IHO1: variants seen among roughly 807,000 people sequenced by gnomAD.
IHO1 encodes the protein interactor of HORMAD1 1.
In IHO1, 13 loss-of-function variants were observed where a neutral mutation model predicts 31.0. The ratio of observed to expected loss-of-function variants is 0.42; its 90% CI spans 0.27 to 0.67. The LOEUF is 0.67. Among genes scored for constraint, IHO1 ranks in the 30% least tolerant of loss-of-function variants. The pLI is 0.24. For missense variants in IHO1, 599 were observed against 687.5 expected (o/e 0.87, Z 1.44); for synonymous variants, 221 against 248.4 (o/e 0.89, Z 1.04).
intron 5 of IHO1, 86 bp downstream of exon 5, chr3:49,244,538 A>T: frequency 7.7e-7 from 1 of 1,294,306 alleles, no homozygotes; most frequent in Non-Finnish European, 1.1e-6. Context: ...TAGTTAATGT[A>T]GAATAGCAAT....
At chr3:49,199,303 C>A (rs907813454), upstream of IHO1, among the ~76,000 whole-genome samples, 3 of 152,182 alleles carry the variant, frequency 2.0e-5, no homozygotes, top group African/African-American at 7.2e-5. Context: ...AGCTGCCTGT[C>A]GCGGCGAGGG....
Position 49,220,195 on chromosome 3 carries a change from C to T in IHO1, c.56+8359C>T, listed in dbSNP as rs139821569. On this transcript the variant is annotated intron_variant, in intron 2 of 7. Transcript: ENST00000452691. ...GATCAACAGGGAAATATTATAGCTA[C>T]ATTTGAGCCTTTTCCTTTTAAATTC... is the stretch of plus-strand genomic sequence containing the variant. Among the ~76,000 whole-genome samples, 420 of 152,362 alleles carry T rather than the reference C, an allele frequency of 2.8e-3. 3 individuals carry two copies. Among genetic ancestry groups the T allele is most frequent in the African/African-American group, 9.4e-3 (390 of 41,590 alleles).
At chr3:49,245,010 G>T (rs1166193031) in intron 6 of IHO1, 14 of 576,832 alleles carry the variant, frequency 2.4e-5, no homozygotes, top group South Asian at 4.5e-5. Flanking sequence ...GCTCTGCTAG[G>T]TTTCTCATCT....
rs377242942 is a variant in IHO1, at chr3:49,241,293, G to A, written c.299G>A (p.Gly100Glu). The change falls in exon 4 of 8, where the codon GGA becomes GAA. Residue 100 changes from glycine to glutamate, a missense_variant. Coordinates refer to ENST00000452691, the MANE Select transcript of IHO1 (RefSeq NM_001135197.2). Reference sequence around the variant, plus strand: ...CTGTTCGGAGGAGATATAAAAGATGGAGGTTTATTTCCTCCTCCTTTGTCA... The same window carrying A: ...CTGTTCGGAGGAGATATAAAAGATGAAGGTTTATTTCCTCCTCCTTTGTCA... ...PQLFGGDIKD[G>E]GLFPPPLSVG... is the part of the protein sequence containing the mutation. The A allele has an allele frequency of 1.2e-6, 2 of 1,613,828 alleles. No individual in the cohort carries two copies. The highest frequency in any genetic ancestry group is 1.1e-5 in the South Asian group (1 of 91,054).
At chr3:49,193,817 C>T (rs1310810278), upstream of IHO1, among the ~76,000 whole-genome samples, 1 of 151,342 alleles carries the variant, frequency 6.6e-6, no homozygotes, top group Non-Finnish European at 1.5e-5. Context: ...CAAAAATTAG[C>T]CAGGCATGGT....
At chr3:49,240,413 A>G (rs1263806507) in intron 3 of IHO1, among the ~76,000 whole-genome samples, 2 of 152,058 alleles carry the variant, frequency 1.3e-5, no homozygotes, top group Non-Finnish European at 2.9e-5. Flanking sequence ...TAGTAGAGAC[A>G]GGGTTTCGCC....
intron 1 of IHO1, among the ~76,000 whole-genome samples, chr3:49,206,560 G>A (rs2046140624): frequency 6.6e-6 from 1 of 152,144 alleles, no homozygotes; most frequent in African/African-American, 2.4e-5. Flanking sequence ...TCTTGGATTT[G>A]GCGGGTTTTG....
intron 2 of IHO1, among the ~76,000 whole-genome samples, chr3:49,234,206 C>T (rs1476392648): frequency 2.3e-5 from 3 of 129,772 alleles, no homozygotes; most frequent in Admixed American, 8.8e-5. Context: ...CGGAGTCACT[C>T]TCTCACCAGG....
At chr3:49,210,707 T>TC (rs1243588999) in intron 1 of IHO1, among the ~76,000 whole-genome samples, 2 of 148,682 alleles carry the variant, frequency 1.3e-5, no homozygotes, top group Non-Finnish European at 3.0e-5. Context: ...CTTTTTTTTT[T>TC]TTTTTTTGAG....
At chr3:49,243,326 G>A (rs1468366677) in intron 4 of IHO1, among the ~76,000 whole-genome samples, 1 of 151,642 alleles carries the variant, frequency 6.6e-6, no homozygotes, top group Non-Finnish European at 1.5e-5. Context: ...TGTATTTTTA[G>A]TAGAGACGGG....
chr3:49,195,541 C>A (rs1455591051), upstream of IHO1, among the ~76,000 whole-genome samples: 1 of 150,868 alleles, frequency 6.6e-6, no homozygotes, highest in Non-Finnish European at 1.5e-5. Context: ...CACGGTGAAA[C>A]CCCGTCTCTA....
intron 2 of IHO1, among the ~76,000 whole-genome samples, chr3:49,231,127 T>C (rs2046476992): frequency 6.6e-6 from 1 of 152,226 alleles, no homozygotes; most frequent in African/African-American, 2.4e-5. Flanking sequence ...TAACTTCTTA[T>C]TTGGATCAAA....
chr3:49,214,960 C>T (rs569220822), intron 2 of IHO1, among the ~76,000 whole-genome samples: 3 of 150,706 alleles, frequency 2.0e-5, no homozygotes, highest in African/African-American at 7.3e-5. Flanking sequence ...AAGTCCAATT[C>T]CTCTGTTGGA....
upstream of IHO1, among the ~76,000 whole-genome samples, chr3:49,195,016 C>T (rs1045167574): frequency 6.6e-6 from 1 of 151,988 alleles, no homozygotes; most frequent in Non-Finnish European, 1.5e-5. Flanking sequence ...TTGGGGAGGC[C>T]AAGGCAGGCA....
intron 1 of IHO1, 120 bp from the exon 2 acceptor site, chr3:49,211,646 C>A: frequency 1.1e-5 from 4 of 368,906 alleles, no homozygotes; most frequent in East Asian, 5.0e-5. Flanking sequence ...CAGAAATTTT[C>A]ACTAATTGGA....
At chr3:49,213,265 GCA>G (rs754047743) in intron 2 of IHO1, among the ~76,000 whole-genome samples, 16 of 151,200 alleles carry the variant, frequency 1.1e-4, no homozygotes, top group Non-Finnish European at 2.2e-4. Flanking sequence ...CTTGAGCTAG[GCA>G]CAGAGTGCTG....
chr3:49,249,736 T>C (rs954309653), intron 6 of IHO1, among the ~76,000 whole-genome samples: 1 of 152,234 alleles, frequency 6.6e-6, no homozygotes, highest in Non-Finnish European at 1.5e-5. Flanking sequence ...CCAGGATACA[T>C]CTTGTTGGAA....
At chr3:49,245,186 CA>C (rs1240155145) in intron 6 of IHO1, 1 of 247,112 alleles carries the variant, frequency 4.0e-6, no homozygotes, top group South Asian at 1.5e-4. Flanking sequence ...GCATCATTCT[CA>C]ATTTTTTTTT....
At chr3:49,251,926 A>T (rs1310667598) in intron 6 of IHO1, among the ~76,000 whole-genome samples, 2 of 147,760 alleles carry the variant, frequency 1.4e-5, no homozygotes, top group Admixed American at 1.4e-4. Context: ...TCACGAGATT[A>T]TATCAAGAGA....
Sources: gnomAD v4.1 joint callset for allele counts (sites outside exome capture counted in the v4.1 genomes callset) on GRCh38, gnomAD v4.1.1 for gene constraint, MANE v1.5 for transcripts, NCBI Gene and HGNC (gene_info 2026-07-23, HGNC 2026-07-21) for gene names.